Variants in TXLNA observed in about 807,000 individuals in gnomAD.
TXLNA encodes the protein taxilin alpha, also known as alpha-taxilin.
Under a neutral mutation model 61.4 loss-of-function variants are expected in TXLNA, and 9 were observed. The ratio of observed to expected loss-of-function variants is 0.15; its 90% CI spans 0.09 to 0.26. The LOEUF (loss-of-function observed/expected upper bound fraction) is 0.26, where lower values mean the gene tolerates loss of function less well. Ranked by LOEUF, TXLNA falls within the 10% of genes least tolerant of loss-of-function variation. TXLNA has a pLI of 1.00. For missense variants in TXLNA, 565 were observed against 688.8 expected (o/e 0.82, Z 2.01); for synonymous variants, 257 against 267.7 (o/e 0.96, Z 0.39).
At chr1:32,183,160 G>A (rs1385720489) in intron 3 of TXLNA, among the ~76,000 whole-genome samples, 1 of 151,644 alleles carries the variant, frequency 6.6e-6, no homozygotes, top group Non-Finnish European at 1.5e-5. Flanking sequence ...GTCTTGCTCT[G>A]TCACCCAAGC....
At chr1:32,188,916 GGTCA>G in intron 5 of TXLNA, among the ~76,000 whole-genome samples, 1 of 152,122 alleles carries the variant, frequency 6.6e-6, no homozygotes, top group Non-Finnish European at 1.5e-5. Flanking sequence ...TCTATGGTGA[GGTCA>G]GTCTGTGGTT....
chr1:32,189,759 T>A (rs1438833127), intron 5 of TXLNA, among the ~76,000 whole-genome samples: 1 of 152,056 alleles, frequency 6.6e-6, no homozygotes, highest in Non-Finnish European at 1.5e-5. Context: ...GCCAGGCTGG[T>A]CTCAAACTCC....
chr1:32,185,423 T>C (rs1642765978), intron 4 of TXLNA, among the ~76,000 whole-genome samples: 1 of 152,200 alleles, frequency 6.6e-6, no homozygotes, highest in Non-Finnish European at 1.5e-5. Context: ...GACGGGGTCT[T>C]GCTCTGTCGC....
At chr1:32,187,109 C>A (rs1350888681) in intron 4 of TXLNA, among the ~76,000 whole-genome samples, 2 of 151,996 alleles carry the variant, frequency 1.3e-5, no homozygotes, top group Non-Finnish European at 2.9e-5. Context: ...ACCATGTTGG[C>A]CAGGCTGGTC....
intron 4 of TXLNA, among the ~76,000 whole-genome samples, chr1:32,187,524 C>T (rs953961883): frequency 4.6e-5 from 7 of 152,096 alleles, no homozygotes; most frequent in African/African-American, 9.7e-5. Context: ...CGCTGATGAA[C>T]GCAGCGCTAA....
At chr1:32,193,891 C>T (rs1389294033) in intron 9 of TXLNA, among the ~76,000 whole-genome samples, 174 bp from the exon 10 acceptor site, 1 of 152,134 alleles carries the variant, frequency 6.6e-6, no homozygotes, top group African/African-American at 2.4e-5. Context: ...GTGGACACCT[C>T]TGACTTCCTG....
At position 32,195,420 on chromosome 1, in the gene TXLNA, A is replaced by G; in HGVS notation, c.*225A>G. 1 of 588,314 alleles carries G rather than the reference A, an allele frequency of 1.7e-6. No homozygotes were observed. 36.4% of individuals were successfully genotyped at this position (588,314 alleles called of 1,614,324 possible). A position where few individuals can be genotyped will look rare whatever the true frequency, so the allele number is the denominator to read the frequency against. On this transcript the variant is annotated 3_prime_UTR_variant, in exon 11 of 11. Transcript: ENST00000373610. ...ACCTGTAAGTGTACAGTGGGCTTGC[A>G]TTGGGGATGGGGGTGTGTACAGATG...
intron 2 of TXLNA, 109 bp from the exon 3 acceptor site, chr1:32,181,133 T>G: frequency 1.1e-6 from 1 of 921,518 alleles, no homozygotes; most frequent in East Asian, 2.9e-5. Flanking sequence ...AAAAAAAAAG[T>G]TAGGCAACAT....
intron 10 of TXLNA, 57 bp downstream of exon 10, chr1:32,194,217 C>T: frequency 7.1e-7 from 1 of 1,407,636 alleles, no homozygotes; most frequent in Non-Finnish European, 1.0e-6. Context: ...GCATATCAGG[C>T]CCTTTCCTGT....
At position 32,180,525 on chromosome 1, in the gene TXLNA, G is replaced by T; in HGVS notation, c.169+11G>T. ...CTCGGAAGCCGGAGGGTGTGTGCCA[G>T]CTCTGCGTTGCCAGCGGGCAGGGGG... On this transcript the variant is annotated intron_variant, in intron 2 of 10. Coordinates refer to ENST00000373610, the MANE Select transcript of TXLNA (RefSeq NM_175852.4). The T allele has an allele frequency of 6.3e-7, 1 of 1,585,418 alleles. No individual in the cohort carries two copies. The highest frequency in any genetic ancestry group is 8.6e-7 in the Non-Finnish European group (1 of 1,166,564).
Position 32,184,632 on chromosome 1 carries a change from C to T in TXLNA, c.597+16C>T, listed in dbSNP as rs768960017. The T allele has an allele frequency of 4.4e-6, 7 of 1,577,300 alleles. No homozygotes were observed. The highest frequency in any genetic ancestry group is 2.7e-5 in the African/African-American group (2 of 74,218). On this transcript the variant is annotated intron_variant, in intron 4 of 10. Coordinates refer to ENST00000373610, the MANE Select transcript of TXLNA (RefSeq NM_175852.4). ...TGCTGAACTGGTCAGTTCCCCCCTC[C>T]GCGGGCACCTTCCCTGCGTTGGGAA...
rs946329743 is a variant in TXLNA, at chr1:32,193,264, C to T, written c.1215C>T (p.Ser405=). 10 of 1,613,558 alleles carry T rather than the reference C, an allele frequency of 6.2e-6. No homozygotes were observed. The highest frequency in any genetic ancestry group is 2.7e-5 in the African/African-American group (2 of 74,782). Residue 405 remains serine (S), a synonymous_variant, in exon 9 of 11, where the codon AGC becomes AGT. Transcript: ENST00000373610. ...EEFQNTLSKS[S]EVFTTFKQEM... is the part of the protein sequence containing the mutation. ...TCCAGAACACACTTTCCAAAAGCAG[C>T]GAGGTATTCACCACATTCAAGCAGG...
At position 32,190,338 on chromosome 1, in the gene TXLNA, C is replaced by T. The variant is rs12081371; in HGVS notation, c.963+89C>T. 8.9e-3 allele frequency: 11,239 copies of T among 1,260,368 alleles called. 84 individuals are homozygous for T. Among genetic ancestry groups the T allele is most frequent in the African/African-American group, 0.031 (2,070 of 66,486 alleles). 78.1% of individuals were successfully genotyped at this position (1,260,368 alleles called of 1,614,324 possible). A position where few individuals can be genotyped will look rare whatever the true frequency, so the allele number is the denominator to read the frequency against. On this transcript the variant is annotated intron_variant, in intron 6 of 10. Coordinates refer to ENST00000373610, the MANE Select transcript of TXLNA (RefSeq NM_175852.4). ...ACTGGGACAGTACCTTTTCAGGCTTCATCCCATTCTCCCTTTCTTCCTCCT... is the reference window on the plus strand; with the variant it reads ...ACTGGGACAGTACCTTTTCAGGCTTTATCCCATTCTCCCTTTCTTCCTCCT...
At chr1:32,182,960 G>T (rs931545868) in intron 3 of TXLNA, among the ~76,000 whole-genome samples, 2 of 151,444 alleles carry the variant, frequency 1.3e-5, no homozygotes, top group Non-Finnish European at 2.9e-5. Context: ...CCAGATACTC[G>T]GGAGGCTGAG....
Position 32,192,254 on chromosome 1 carries a change from C to A in TXLNA, c.964-57C>A. The stretch of plus-strand genomic sequence containing the variant: ...AGTGCCCTGGTCTGTGGCTGTGGGG[C>A]TACCCTGAGAAAGGGAGCGCCTGAC... On this transcript the variant is annotated intron_variant, in intron 6 of 10. Coordinates refer to ENST00000373610, the MANE Select transcript of TXLNA (RefSeq NM_175852.4). This position sits in a 1 kb window ranked among gnomAD's most constrained non-coding sequence, Gnocchi z 4.2. 1 of 1,600,022 alleles carries A rather than the reference C, an allele frequency of 6.2e-7. No individual in the cohort carries two copies. Among genetic ancestry groups the A allele is most frequent in the East Asian group, 2.2e-5 (1 of 44,516 alleles).
Position 32,188,058 on chromosome 1 carries a change from C to G in TXLNA, c.702C>G (p.Ala234=). 2 of 1,597,290 alleles carry G rather than the reference C, an allele frequency of 1.3e-6. No individual in the cohort carries two copies. Among genetic ancestry groups the G allele is most frequent in the Non-Finnish European group, 1.7e-6 (2 of 1,171,902 alleles). The change falls in exon 5 of 11, where the codon GCC becomes GCG. Residue 234 remains alanine, a synonymous_variant. Coordinates refer to ENST00000373610, the MANE Select transcript of TXLNA (RefSeq NM_175852.4). ...ACCTGCGCGGTGAGCACAGCAAGGC[C>G]GTCCTGGCCCGCAGCAAGCTTGAGA... ...KDHLRGEHSK[A]VLARSKLESL... is the part of the protein sequence containing the mutation.
intron 5 of TXLNA, among the ~76,000 whole-genome samples, chr1:32,188,780 C>T (rs1207551094): frequency 6.6e-6 from 1 of 152,160 alleles, no homozygotes; most frequent in Non-Finnish European, 1.5e-5. Flanking sequence ...ATCCATAATG[C>T]ACTGGCGTTA....
In TXLNA at chr1:32,194,899, T is replaced by C. The variant is rs546968008; in HGVS notation, c.1348-3T>C. The C allele has an allele frequency of 2.0e-4, 322 of 1,600,074 alleles. No individual in the cohort carries two copies. The highest frequency in any genetic ancestry group is 3.0e-4 in the Admixed American group (17 of 57,152). ...GCACTGAAGGTCTCATTTCTTTCCC[T>C]AGAAAACAGTCCGGGATAAAGAACT... On this transcript the variant is annotated splice_polypyrimidine_tract_variant and splice_region_variant and intron_variant, in intron 10 of 10. Transcript: ENST00000373610.
chr1:32,192,861 T>A lies in TXLNA; in HGVS notation c.1158+130T>A. The A allele has an allele frequency of 1.1e-6, 1 of 940,876 alleles. No individual in the cohort carries two copies. Among genetic ancestry groups the A allele is most frequent in the South Asian group, 1.5e-5 (1 of 65,738 alleles). 58.3% of individuals were successfully genotyped at this position (940,876 alleles called of 1,614,324 possible). A position where few individuals can be genotyped will look rare whatever the true frequency, so the allele number is the denominator to read the frequency against. On this transcript the variant is annotated intron_variant, in intron 8 of 10. Transcript: ENST00000373610. This position sits in a 1 kb window ranked among gnomAD's most constrained non-coding sequence, Gnocchi z 4.2. ...CTGCTATGACGCCTTGGTTGAGCCT[T>A]TGTTCTCTCCGGACCTGCACAGTAC...
Sources: allele counts gnomAD v4.1 joint callset (sites outside exome capture counted in the v4.1 genomes callset), GRCh38; gene constraint gnomAD v4.1.1; non-coding constraint Gnocchi (gnomAD v3.1); transcripts MANE v1.5; gene names NCBI Gene and HGNC (gene_info 2026-07-23, HGNC 2026-07-21).